The following ZFP36L1 variants were observed in gnomAD, a reference collection of about 807,000 sequenced individuals.
ZFP36L1 encodes ZFP36 like 1 zinc finger CCCH-type, also known as mRNA decay activator protein ZFP36L1.
ZFP36L1 carries 4 observed loss-of-function variants against 16.7 expected under a neutral mutation model. The ratio of observed to expected loss-of-function variants is 0.24; its 90% CI spans 0.12 to 0.55. ZFP36L1 has a LOEUF of 0.55. Ranked by LOEUF, ZFP36L1 falls within the 20% of genes least tolerant of loss-of-function variation. ZFP36L1 has a pLI of 0.94. For synonymous variants in ZFP36L1, 220 were observed against 190.8 expected, an observed-to-expected ratio of 1.15 and a Z score of -1.26; for missense variants, 311 against 449.2, an observed-to-expected ratio of 0.69 and a Z score of 2.78.
upstream of ZFP36L1, chr14:68,793,706 G>A (rs1895174190): frequency 1.0e-6 from 1 of 985,560 alleles, no homozygotes; most frequent in Non-Finnish European, 1.2e-6. Context: ...GCAGGCCGAG[G>A]ACATTAGAAA....
chr14:68,790,636 T>A, intron 1 of ZFP36L1, 144 bp from the exon 2 acceptor site: 1 of 1,168,708 alleles, frequency 8.6e-7, no homozygotes, highest in Non-Finnish European at 1.2e-6. Context: ...CCCTTCCCTC[T>A]CTCCCTCCCA....
upstream of ZFP36L1, among the ~76,000 whole-genome samples, chr14:68,795,604 C>T (rs1446856932): frequency 6.6e-6 from 1 of 152,186 alleles, no homozygotes; most frequent in East Asian, 1.9e-4. Context: ...CCTCGAATTT[C>T]CTCGGCTTTT....
chr14:68,791,275 A>G lies in ZFP36L1; in HGVS notation c.58-783T>C, dbSNP rs371209908. 33 of 550,424 alleles carry G rather than the reference A, an allele frequency of 6.0e-5. No homozygotes were observed. The Middle Eastern group carries it at 1.9e-3, about 31-fold the overall frequency. The allele number at this position is 550,424 out of a possible 1,614,324, so 34.1% of individuals were successfully genotyped here. On this transcript the variant is annotated intron_variant, in intron 1 of 1. Coordinates refer to ENST00000439696, the MANE Select transcript of ZFP36L1 (RefSeq NM_004926.4). ...TTGGCTGCAAGAGCAAGCTTGGATA[A>G]GAGCTCCAGTGTTTAATCTTTAACG...
upstream of ZFP36L1, chr14:68,795,665 G>A (rs1895231500): frequency 2.4e-6 from 1 of 409,792 alleles, no homozygotes; most frequent in Admixed American, 3.1e-5. Context: ...CGCGGGCTCC[G>A]CAAGGCTGCG....
upstream of ZFP36L1, chr14:68,796,036 T>C (rs2140216025): frequency 3.0e-6 from 4 of 1,331,178 alleles, no homozygotes; most frequent in Non-Finnish European, 4.0e-6. Flanking sequence ...GCCCTCCCGC[T>C]CCTTACCCGC....
intron 1 of ZFP36L1, among the ~76,000 whole-genome samples, chr14:68,792,521 A>G (rs568536002): frequency 2.0e-5 from 3 of 152,204 alleles, no homozygotes; most frequent in Admixed American, 6.5e-5. Flanking sequence ...CAGACTGGGA[A>G]CCCGATCAGA....
At position 68,789,452 on chromosome 14, in the gene ZFP36L1, G is replaced by A; in HGVS notation, c.*81C>T. On this transcript the variant is annotated 3_prime_UTR_variant, in exon 2 of 2. Transcript: ENST00000439696. This position sits in a 1 kb window ranked among gnomAD's most constrained non-coding sequence, Gnocchi z 4.5. ...GTTAATGTAGGGCCTGTGGGGAATG[G>A]GATGGGTAGGGAGAAGAGGGTATGG... 6.3e-7 allele frequency: 1 copy of A among 1,588,650 alleles called. No homozygotes were observed. Among genetic ancestry groups the A allele is most frequent in the Non-Finnish European group, 8.6e-7 (1 of 1,165,664 alleles).
upstream of ZFP36L1, chr14:68,794,603 A>T (rs1000267514): frequency 6.6e-6 from 1 of 152,304 alleles, no homozygotes; most frequent in Non-Finnish European, 1.5e-5. Context: ...CGAGTCTGTT[A>T]TGAAACCCGG....
rs1376305084 is a variant in ZFP36L1 at position 68,792,987 on chromosome 14, G to A, written c.-49C>T. 2 of 1,611,890 alleles carry A rather than the reference G, an allele frequency of 1.2e-6. No individual in the cohort carries two copies. The highest frequency in any genetic ancestry group is 1.7e-5 in the Admixed American group (1 of 60,006). ...GGCGAGGATCTGGTGTGTCGCGAAGGTCCCGGTGCGGGGAAGGCGCAGCCT... is the reference window on the plus strand; with the variant it reads ...GGCGAGGATCTGGTGTGTCGCGAAGATCCCGGTGCGGGGAAGGCGCAGCCT... On this transcript the variant is annotated 5_prime_UTR_variant, in exon 1 of 2. Coordinates refer to ENST00000439696, the MANE Select transcript of ZFP36L1 (RefSeq NM_004926.4).
upstream of ZFP36L1, chr14:68,793,215 G>C (rs1228806809): frequency 3.7e-6 from 4 of 1,074,412 alleles, no homozygotes; most frequent in Non-Finnish European, 4.5e-6. Flanking sequence ...CAGGCGGGGA[G>C]GGGGGGCAGG....
At chr14:68,792,755 G>C in intron 1 of ZFP36L1, 127 bp downstream of exon 1, 1 of 1,336,810 alleles carries the variant, frequency 7.5e-7, no homozygotes, top group Non-Finnish European at 1.1e-6. Context: ...AGAAATGCCG[G>C]AGGAGAAAAG....
intron 1 of ZFP36L1, among the ~76,000 whole-genome samples, chr14:68,792,316 G>C (rs185863896): frequency 5.9e-5 from 9 of 152,230 alleles, no homozygotes; most frequent in South Asian, 2.1e-4. Context: ...GCCCAACGGA[G>C]CTAGGGCGGA....
In ZFP36L1 at chr14:68,792,980, C is replaced by T. The variant is rs781093567; in HGVS notation, c.-42G>A. 2.5e-6 allele frequency: 4 copies of T among 1,612,424 alleles called. No individual in the cohort carries two copies. The highest frequency in any genetic ancestry group is 3.3e-5 in the Admixed American group (2 of 60,014). On this transcript the variant is annotated 5_prime_UTR_variant, in exon 1 of 2. Coordinates refer to ENST00000439696, the MANE Select transcript of ZFP36L1 (RefSeq NM_004926.4). The stretch of plus-strand genomic sequence containing the variant: ...AGCCAGGGGCGAGGATCTGGTGTGT[C>T]GCGAAGGTCCCGGTGCGGGGAAGGC...
chr14:68,795,478 G>A (rs953308842), upstream of ZFP36L1, among the ~76,000 whole-genome samples: 1 of 152,364 alleles, frequency 6.6e-6, no homozygotes, highest in Non-Finnish European at 1.5e-5. Flanking sequence ...CGGGGCACCG[G>A]CTATGCCCCT....
At chr14:68,791,657 G>A (rs1228715712) in intron 1 of ZFP36L1, among the ~76,000 whole-genome samples, 2 of 151,634 alleles carry the variant, frequency 1.3e-5, no homozygotes, top group African/African-American at 2.4e-5. Context: ...AAGTCGTGAG[G>A]GGGGAGGGGG....
rs1218318067 is a variant in ZFP36L1 at position 68,787,748 on chromosome 14, AAGAAAG to A, written c.*1779_*1784del. ...TTTTTCTTTTAAATAAATTCACACA[AAGAAAG>A]AGAAATAGAAAGCGACGGTAGTGAC... On this transcript the variant is annotated 3_prime_UTR_variant, in exon 2 of 2. Transcript: ENST00000439696. 3.1e-4 allele frequency: 47 copies of A among 152,896 alleles called. No homozygotes were observed. The highest frequency in any genetic ancestry group is 1.1e-3 in the African/African-American group (44 of 41,570). 9.5% of individuals were successfully genotyped at this position (152,896 alleles called of 1,614,324 possible).
chr14:68,793,522 C>T (rs370012008), upstream of ZFP36L1: 7 of 985,882 alleles, frequency 7.1e-6, no homozygotes, highest in East Asian at 1.1e-4. Flanking sequence ...TTTTGTTGGG[C>T]AGGAAGGCGG....
upstream of ZFP36L1, chr14:68,796,005 G>A: frequency 1.5e-6 from 2 of 1,323,250 alleles, no homozygotes. Context: ...GCCGTCCCCC[G>A]CCAACTTCGC....
upstream of ZFP36L1, chr14:68,793,757 G>A: frequency 1.0e-6 from 1 of 985,492 alleles, no homozygotes; most frequent in Non-Finnish European, 1.2e-6. Context: ...ATTTTATGTT[G>A]CTGTTTTTTT....
Sources: gnomAD v4.1 joint callset for allele counts (sites outside exome capture counted in the v4.1 genomes callset) on GRCh38, gnomAD v4.1.1 for gene constraint, Gnocchi (gnomAD v3.1) non-coding constraint, MANE v1.5 for transcripts, NCBI Gene and HGNC (gene_info 2026-07-23, HGNC 2026-07-21) for gene names.